The following IFT56 variants were observed in gnomAD, a reference collection of about 807,000 sequenced individuals.
The protein encoded by IFT56 is intraflagellar transport 56.
the IFT56 span, among the ~76,000 whole-genome samples, chr7:139,140,532 C>A: frequency 6.6e-6 from 1 of 152,104 alleles, no homozygotes; most frequent in Non-Finnish European, 1.5e-5. Context: ...GTAATCCCAG[C>A]ACTTTGGGAG....
the IFT56 span, among the ~76,000 whole-genome samples, chr7:139,180,329 C>T: frequency 2.0e-5 from 3 of 151,910 alleles, no homozygotes; most frequent in Admixed American, 6.6e-5. Flanking sequence ...GAGCGAGACT[C>T]CGTCTCAAAA....
the IFT56 span, chr7:139,166,957 T>G: frequency 8.8e-7 from 1 of 1,140,762 alleles, no homozygotes. Flanking sequence ...ACTTCAGAAA[T>G]TTAGTTGGAA....
the IFT56 span, chr7:139,168,422 T>C: frequency 2.5e-6 from 4 of 1,592,232 alleles, no homozygotes; most frequent in African/African-American, 5.4e-5. Context: ...ACTGATAATC[T>C]ATAGGTTGCA....
At chr7:139,178,305 C>A in the IFT56 span, 25 of 1,607,252 alleles carry the variant, frequency 1.6e-5, no homozygotes, top group Middle Eastern at 3.3e-4. Flanking sequence ...CATTTAAGGT[C>A]AGTATAGAAT....
At chr7:139,176,082 G>A in the IFT56 span, among the ~76,000 whole-genome samples, 7 of 151,918 alleles carry the variant, frequency 4.6e-5, no homozygotes, top group Non-Finnish European at 8.8e-5. Context: ...GCCTCCCAAA[G>A]TGCTGGGATT....
the IFT56 span, chr7:139,178,676 G>A: frequency 6.8e-6 from 9 of 1,326,754 alleles, no homozygotes; most frequent in African/African-American, 1.5e-5. Flanking sequence ...GAATAAAATG[G>A]TCAAGGGTTA....
chr7:139,172,639 C>A, the IFT56 span: 1 of 604,938 alleles, frequency 1.7e-6, no homozygotes, highest in Non-Finnish European at 3.2e-6. Context: ...AGTGCTTCAA[C>A]AAAGCCTTCA....
the IFT56 span, chr7:139,161,337 A>G: frequency 3.9e-6 from 1 of 259,544 alleles, no homozygotes; most frequent in Non-Finnish European, 7.2e-6. Flanking sequence ...ATATTTTTGC[A>G]TCTTTGAAGG....
At chr7:139,185,486 G>A in the IFT56 span, among the ~76,000 whole-genome samples, 1 of 151,996 alleles carries the variant, frequency 6.6e-6, no homozygotes, top group South Asian at 2.1e-4. Context: ...GCTATATACA[G>A]CAATATAGGT....
At chr7:139,147,609 T>G in the IFT56 span, among the ~76,000 whole-genome samples, 1 of 152,194 alleles carries the variant, frequency 6.6e-6, no homozygotes, top group African/African-American at 2.4e-5. Context: ...ATGATTATGA[T>G]TTTTTCATCC....
the IFT56 span, among the ~76,000 whole-genome samples, chr7:139,175,934 A>C: frequency 6.6e-6 from 1 of 152,052 alleles, no homozygotes; most frequent in African/African-American, 2.4e-5. Context: ...GGTTCAAGCA[A>C]TTCTCCTGCC....
the IFT56 span, among the ~76,000 whole-genome samples, chr7:139,148,048 A>G: frequency 2.6e-5 from 4 of 152,170 alleles, no homozygotes; most frequent in African/African-American, 7.2e-5. Flanking sequence ...AAATATTGCA[A>G]TGCAAAAAGA....
the IFT56 span, among the ~76,000 whole-genome samples, chr7:139,134,232 A>T: frequency 3.3e-5 from 5 of 151,952 alleles, no homozygotes; most frequent in Non-Finnish European, 7.4e-5. Context: ...ACGAGTTTGA[A>T]TAGGCTTCCC....
chr7:139,187,061 T>G, the IFT56 span, among the ~76,000 whole-genome samples: 1 of 127,042 alleles, frequency 7.9e-6, no homozygotes, highest in African/African-American at 3.2e-5. Context: ...GCCACTGCAG[T>G]CCGCAGTCCG....
chr7:139,144,737 A>T, the IFT56 span, among the ~76,000 whole-genome samples: 1 of 151,616 alleles, frequency 6.6e-6, no homozygotes, highest in African/African-American at 2.4e-5. Context: ...CCATTTATCT[A>T]TTTCGTTCTT....
chr7:139,139,647 T>TCTATTGTTTTGTCCCC, the IFT56 span, among the ~76,000 whole-genome samples: 5 of 152,292 alleles, frequency 3.3e-5, no homozygotes, highest in East Asian at 7.7e-4. Context: ...TTAGTCCCTA[T>TCTATTGTTTTGTCCCC]CAGTATTAAC....
chr7:139,169,227 T>A, the IFT56 span: 1 of 1,366,372 alleles, frequency 7.3e-7, no homozygotes, highest in South Asian at 1.2e-5. Flanking sequence ...TAGAACCATA[T>A]AGTATAATAA....
chr7:139,145,208 C>T, the IFT56 span, among the ~76,000 whole-genome samples: 1 of 151,936 alleles, frequency 6.6e-6, no homozygotes, highest in Non-Finnish European at 1.5e-5. Context: ...TGGTGGGCCC[C>T]AATCTCTATT....
chr7:139,157,118 A>ATT, the IFT56 span, among the ~76,000 whole-genome samples: 1 of 124,232 alleles, frequency 8.0e-6, no homozygotes, highest in Non-Finnish European at 1.9e-5. Context: ...ATCTTTCTCC[A>ATT]TTTATTTAGA....
Sources: allele counts gnomAD v4.1 joint callset (sites outside exome capture counted in the v4.1 genomes callset), GRCh38; gene constraint gnomAD v4.1.1; transcripts MANE v1.5; gene names NCBI Gene and HGNC (gene_info 2026-07-23, HGNC 2026-07-21).